Variants in IFTAP observed in about 807,000 individuals in gnomAD.
The protein encoded by IFTAP is intraflagellar transport associated protein.
IFTAP carries 19 observed loss-of-function variants against 19.4 expected under a neutral mutation model. The ratio of observed to expected loss-of-function variants is 0.98; its 90% CI spans 0.68 to 1.44. The LOEUF (loss-of-function observed/expected upper bound fraction) is 1.44. IFTAP is among the 40% of genes most tolerant of loss of function. The pLI is 0.00. For missense variants in IFTAP, 240 were observed against 253.6 expected, an observed-to-expected ratio of 0.95 and a Z score of 0.36; for synonymous variants, 85 against 83.5, an observed-to-expected ratio of 1.02 and a Z score of -0.10.
intron 5 of IFTAP, among the ~76,000 whole-genome samples, chr11:36,648,755 G>A (rs1853592204): frequency 1.3e-5 from 2 of 152,108 alleles, no homozygotes; most frequent in Admixed American, 6.6e-5. Context: ...GGGGAGGAGA[G>A]AAGAACATGG....
intron 1 of IFTAP, among the ~76,000 whole-genome samples, chr11:36,609,797 G>T (rs911900657): frequency 5.3e-5 from 8 of 152,036 alleles, no homozygotes; most frequent in Admixed American, 5.3e-4. Context: ...GTTTCTAATT[G>T]TGTAATTGGG....
Position 36,633,244 on chromosome 11 carries a change from T to C in IFTAP, c.137-40T>C. 2.1e-6 allele frequency: 3 copies of C among 1,407,508 alleles called. No homozygotes were observed. In the East Asian group the frequency reaches 7.7e-5, roughly 36 times the overall value. 87.2% of individuals were successfully genotyped at this position (1,407,508 alleles called of 1,614,324 possible). On this transcript the variant is annotated intron_variant, in intron 2 of 5. Transcript: ENST00000334307. Reference sequence around the variant, plus strand: ...TACACAAAATAAACCAGACTTGGTATTGTGGATGTTTTCTAATAGTGCATA... The same window carrying C: ...TACACAAAATAAACCAGACTTGGTACTGTGGATGTTTTCTAATAGTGCATA...
At chr11:36,597,420 G>A (rs771820416) in intron 1 of IFTAP, among the ~76,000 whole-genome samples, 9 of 152,144 alleles carry the variant, frequency 5.9e-5, no homozygotes, top group Admixed American at 2.0e-4. Context: ...TTCAGCTGAG[G>A]GAGGCTTCAA....
intron 5 of IFTAP, among the ~76,000 whole-genome samples, chr11:36,650,427 T>C (rs1853665864): frequency 6.6e-6 from 1 of 151,932 alleles, no homozygotes; most frequent in Admixed American, 6.6e-5. Context: ...TGGGGTATAG[T>C]GTGATATTTT....
intron 5 of IFTAP, among the ~76,000 whole-genome samples, chr11:36,652,442 G>A (rs1853780056): frequency 6.6e-6 from 1 of 152,178 alleles, no homozygotes; most frequent in Non-Finnish European, 1.5e-5. Flanking sequence ...TCAGCTTAAG[G>A]AGATTTTGGG....
At chr11:36,655,013 A>G (rs1853915787) in intron 5 of IFTAP, among the ~76,000 whole-genome samples, 1 of 152,040 alleles carries the variant, frequency 6.6e-6, no homozygotes, top group Admixed American at 6.6e-5. Flanking sequence ...GTCTCATTGT[A>G]GGTACTTAAT....
At chr11:36,658,483 T>A (rs1285568683) in intron 5 of IFTAP, among the ~76,000 whole-genome samples, 1 of 152,202 alleles carries the variant, frequency 6.6e-6, no homozygotes. Context: ...GACTTTTAAA[T>A]TTAAAATATG....
intron 4 of IFTAP, among the ~76,000 whole-genome samples, chr11:36,642,281 C>G (rs10400354): frequency 0.18 from 27,718 of 152,064 alleles, 3,467 homozygotes; most frequent in East Asian, 0.59. Context: ...TTCCTGGACA[C>G]ATACACCCTT....
At chr11:36,635,413 G>A (rs1315490592) in intron 3 of IFTAP, among the ~76,000 whole-genome samples, 1 of 152,102 alleles carries the variant, frequency 6.6e-6, no homozygotes, top group African/African-American at 2.4e-5. Flanking sequence ...TATTCCATGT[G>A]GAATAGTTTT....
intron 1 of IFTAP, among the ~76,000 whole-genome samples, chr11:36,596,230 T>G (rs544997144): frequency 6.6e-6 from 1 of 150,790 alleles, no homozygotes; most frequent in East Asian, 1.9e-4. Context: ...TTGTTTTTTT[T>G]TTTTTTTGCT....
chr11:36,621,721 C>G (rs566105723), intron 2 of IFTAP, among the ~76,000 whole-genome samples: 2 of 152,048 alleles, frequency 1.3e-5, no homozygotes, highest in East Asian at 3.9e-4. Flanking sequence ...GAGCTAGAAT[C>G]TGGGAATACT....
At chr11:36,639,699 T>C (rs986185423) in intron 4 of IFTAP, among the ~76,000 whole-genome samples, 1 of 152,166 alleles carries the variant, frequency 6.6e-6, no homozygotes, top group Admixed American at 6.5e-5. Context: ...CTGGAGAGAA[T>C]GGCACCAAGC....
At chr11:36,658,440 T>A (rs556244498) in intron 5 of IFTAP, among the ~76,000 whole-genome samples, 1 of 151,886 alleles carries the variant, frequency 6.6e-6, no homozygotes, top group Non-Finnish European at 1.5e-5. Context: ...ACTGTAATAT[T>A]TTTAAATTCT....
chr11:36,640,302 G>A (rs893172739), intron 4 of IFTAP, among the ~76,000 whole-genome samples: 2 of 152,172 alleles, frequency 1.3e-5, no homozygotes, highest in Non-Finnish European at 1.5e-5. Flanking sequence ...CATCTTCACT[G>A]TCATAAATTT....
intron 2 of IFTAP, among the ~76,000 whole-genome samples, chr11:36,621,068 T>G (rs1852271975): frequency 6.6e-6 from 1 of 152,006 alleles, no homozygotes; most frequent in African/African-American, 2.4e-5. Context: ...TAAACAATAT[T>G]AAGTGGGTGC....
At chr11:36,651,746 G>T (rs1853738186) in intron 5 of IFTAP, among the ~76,000 whole-genome samples, 1 of 152,164 alleles carries the variant, frequency 6.6e-6, no homozygotes, top group Admixed American at 6.6e-5. Flanking sequence ...GTAAGGAAGG[G>T]ATCCTGTTTC....
At chr11:36,626,829 T>C (rs1336981430) in intron 2 of IFTAP, among the ~76,000 whole-genome samples, 1 of 151,064 alleles carries the variant, frequency 6.6e-6, no homozygotes, top group Non-Finnish European at 1.5e-5. Flanking sequence ...ACTGCATAGT[T>C]ACCCTGTGGT....
intron 5 of IFTAP, among the ~76,000 whole-genome samples, chr11:36,649,189 G>A (rs1853607673): frequency 6.6e-6 from 1 of 151,692 alleles, no homozygotes; most frequent in South Asian, 2.1e-4. Context: ...TATAGAATTA[G>A]CCATTCAGTC....
At chr11:36,607,664 A>T (rs1851741892) in intron 1 of IFTAP, among the ~76,000 whole-genome samples, 1 of 144,562 alleles carries the variant, frequency 6.9e-6, no homozygotes. Flanking sequence ...TACAGTTGTA[A>T]TCCCCCCTTT....
Sources: allele counts gnomAD v4.1 joint callset (sites outside exome capture counted in the v4.1 genomes callset), GRCh38; gene constraint gnomAD v4.1.1; transcripts MANE v1.5; gene names NCBI Gene and HGNC (gene_info 2026-07-23, HGNC 2026-07-21).